Variants in STK32B observed in about 807,000 individuals in gnomAD.
STK32B encodes the protein serine/threonine-protein kinase 32B.
STK32B carries 43 observed loss-of-function variants against 52.6 expected under a neutral mutation model. The ratio of observed to expected loss-of-function variants is 0.82; its 90% CI spans 0.64 to 1.05. STK32B has a LOEUF of 1.05. STK32B is among the 50% of genes least tolerant of loss of function. The pLI, the probability that STK32B is intolerant of heterozygous loss-of-function variation, is 0.00. For synonymous variants in STK32B, 238 were observed against 204.3 expected (o/e 1.17, Z -1.41); for missense variants, 621 against 534.6 (o/e 1.16, Z -1.59).
chr4:5,353,602 A>G (rs1053969606), intron 4 of STK32B, among the ~76,000 whole-genome samples: 1 of 152,192 alleles, frequency 6.6e-6, no homozygotes, highest in Non-Finnish European at 1.5e-5. Context: ...ATTTCTCAAA[A>G]GAAGACATAA....
chr4:5,448,008 C>T (rs1201144299), intron 7 of STK32B, among the ~76,000 whole-genome samples: 1 of 152,200 alleles, frequency 6.6e-6, no homozygotes, highest in Non-Finnish European at 1.5e-5. Context: ...GTCTTATTCA[C>T]TGTGGGTGTC....
Position 5,470,390 on chromosome 4 carries a change from G to A in STK32B, c.1106+2320G>A, listed in dbSNP as rs1717764968. On this transcript the variant is annotated intron_variant, in intron 11 of 11. Coordinates refer to ENST00000282908, the MANE Select transcript of STK32B (RefSeq NM_018401.3). The surrounding 1 kb of genome is among the most constrained non-coding windows in gnomAD (Gnocchi z 4.6). ...AGCAAAATAAAGAAAGAGGGCAGACGTCATGTGTTCCTGACAATGGGGAGC... is the reference window on the plus strand; with the variant it reads ...AGCAAAATAAAGAAAGAGGGCAGACATCATGTGTTCCTGACAATGGGGAGC... Among the ~76,000 whole-genome samples, 2 of 152,142 alleles carry A rather than the reference G, an allele frequency of 1.3e-5. No homozygotes were observed. The highest frequency in any genetic ancestry group is 2.4e-5 in the African/African-American group (1 of 41,424).
intron 3 of STK32B, among the ~76,000 whole-genome samples, chr4:5,231,172 C>T (rs1724238930): frequency 6.6e-6 from 1 of 152,172 alleles, no homozygotes; most frequent in East Asian, 1.9e-4. Flanking sequence ...ATCACTCTTG[C>T]TGTTACTTGT....
intron 3 of STK32B, among the ~76,000 whole-genome samples, chr4:5,241,278 G>C (rs1288557849): frequency 1.3e-5 from 2 of 152,022 alleles, no homozygotes; most frequent in Non-Finnish European, 2.9e-5. Context: ...TCTGGGTTTT[G>C]GTATCAAGAT....
At chr4:5,146,233 C>T (rs1192569997) in intron 2 of STK32B, among the ~76,000 whole-genome samples, 1 of 152,044 alleles carries the variant, frequency 6.6e-6, no homozygotes, top group African/African-American at 2.4e-5. Context: ...CATAGGCCGT[C>T]TGAAAGTTAA....
At chr4:5,173,512 C>G in intron 3 of STK32B, among the ~76,000 whole-genome samples, 1 of 151,968 alleles carries the variant, frequency 6.6e-6, no homozygotes, top group East Asian at 1.9e-4. Context: ...TGTCTTTGTT[C>G]TCATTGGTTT....
In STK32B at chr4:5,400,013, C is replaced by T. The variant is rs138774108; in HGVS notation, c.472+1769C>T. 5.9e-5 allele frequency among the ~76,000 whole-genome samples: 9 copies of T among 152,102 alleles called. No individual in the cohort carries two copies. The highest frequency in any genetic ancestry group is 1.3e-4 in the Admixed American group (2 of 15,272). On this transcript the variant is annotated intron_variant, in intron 5 of 11. Transcript: ENST00000282908. The surrounding 1 kb of genome is among the most constrained non-coding windows in gnomAD (Gnocchi z 6.1). ...AAGGCTCTGTCCTATTAAGAGAGAC[C>T]GCTAGGGGGAGACTTCCTGGCCCTG...
the STK32B span, among the ~76,000 whole-genome samples, chr4:5,021,335 C>G: frequency 1.3e-5 from 2 of 152,182 alleles, no homozygotes; most frequent in African/African-American, 2.4e-5. Flanking sequence ...ACACCTTTAG[C>G]AAGATGACAT....
chr4:5,220,023 G>C (rs530845151), intron 3 of STK32B, among the ~76,000 whole-genome samples: 1 of 152,136 alleles, frequency 6.6e-6, no homozygotes, highest in Non-Finnish European at 1.5e-5. Context: ...AAGGCTGTGG[G>C]CACGTTCAAT....
intron 3 of STK32B, among the ~76,000 whole-genome samples, chr4:5,306,528 G>A (rs1025716998): frequency 1.3e-5 from 2 of 151,972 alleles, no homozygotes; most frequent in Admixed American, 1.3e-4. Flanking sequence ...GTTTATGTGT[G>A]TCCTTGTGTG....
rs534966405 is a variant in STK32B, at chr4:5,309,106, A to G, written c.261-22114A>G. 9.2e-5 allele frequency among the ~76,000 whole-genome samples: 14 copies of G among 152,238 alleles called. No individual in the cohort carries two copies. In the East Asian group the frequency reaches 2.7e-3, roughly 29 times the overall value. ...ATAGCATTTCTATACACCAACAAAA[A>G]ACTAGTGGGAAAAGAAATTAAGAAA... On this transcript the variant is annotated intron_variant, in intron 3 of 11. Transcript: ENST00000282908.
chr4:5,095,569 CA>C (rs1241884084), intron 1 of STK32B, among the ~76,000 whole-genome samples: 2 of 152,186 alleles, frequency 1.3e-5, no homozygotes, highest in Non-Finnish European at 2.9e-5. Flanking sequence ...GAGCCGAGAT[CA>C]TGCCACTGCA....
upstream of STK32B, among the ~76,000 whole-genome samples, chr4:5,050,581 T>C (rs1465923063): frequency 6.6e-6 from 1 of 152,166 alleles, no homozygotes; most frequent in African/African-American, 2.4e-5. Context: ...CCCTGCTTTC[T>C]ATCAAAGCAC....
At chr4:5,135,616 G>A (rs1035823749) in intron 1 of STK32B, among the ~76,000 whole-genome samples, 2 of 152,128 alleles carry the variant, frequency 1.3e-5, no homozygotes, top group African/African-American at 4.8e-5. Context: ...GTGGTTGCTG[G>A]CCTGTGTTCA....
intron 11 of STK32B, among the ~76,000 whole-genome samples, chr4:5,481,411 C>T (rs1718697405): frequency 6.6e-6 from 1 of 152,210 alleles, no homozygotes; most frequent in East Asian, 1.9e-4. Context: ...ATATCCTTTG[C>T]CCACTTTTTG....
intron 4 of STK32B, among the ~76,000 whole-genome samples, chr4:5,365,866 T>C (rs896232818): frequency 6.6e-6 from 1 of 152,114 alleles, no homozygotes; most frequent in Non-Finnish European, 1.5e-5. Context: ...CTGTTAACAA[T>C]CAGGCCGAGG....
intron 2 of STK32B, among the ~76,000 whole-genome samples, chr4:5,152,185 G>A (rs1717423909): frequency 6.6e-6 from 1 of 152,228 alleles, no homozygotes; most frequent in African/African-American, 2.4e-5. Context: ...AGAAAAGAAT[G>A]AAGCTTAAAG....
rs1325522558 is a variant in STK32B at position 5,470,035 on chromosome 4, C to T, written c.1106+1965C>T. On this transcript the variant is annotated intron_variant, in intron 11 of 11. Coordinates refer to ENST00000282908, the MANE Select transcript of STK32B (RefSeq NM_018401.3). The surrounding 1 kb of genome is among the most constrained non-coding windows in gnomAD (Gnocchi z 4.6). ...AAACGTGAGCCTGCAAAAAGCTAAG[C>T]TGTGTGGGACCCAAGCAGACAGCAA... is the stretch of plus-strand genomic sequence containing the variant. Among the ~76,000 whole-genome samples, 2 of 152,202 alleles carry T rather than the reference C, an allele frequency of 1.3e-5. No homozygotes were observed. The highest frequency in any genetic ancestry group is 1.9e-4 in the East Asian group (1 of 5,192).
chr4:5,348,766 C>T (rs1480514734), intron 4 of STK32B, among the ~76,000 whole-genome samples: 1 of 152,202 alleles, frequency 6.6e-6, no homozygotes, highest in Admixed American at 6.5e-5. Flanking sequence ...TCTGCATGCA[C>T]CATCAGGGGG....
Sources: gnomAD v4.1 joint callset for allele counts (sites outside exome capture counted in the v4.1 genomes callset) on GRCh38, gnomAD v4.1.1 for gene constraint, Gnocchi (gnomAD v3.1) non-coding constraint, MANE v1.5 for transcripts, NCBI Gene and HGNC (gene_info 2026-07-23, HGNC 2026-07-21) for gene names.